The following ELMOD3 variants were observed in gnomAD, a reference collection of about 807,000 sequenced individuals.
The protein encoded by ELMOD3 is ELMO domain-containing protein 3.
In ELMOD3, 36 loss-of-function variants were observed where a neutral mutation model predicts 47.4. That is an observed-to-expected ratio of 0.76 (90% CI 0.58 to 1.00). The LOEUF is 1.00. Ranked by LOEUF, ELMOD3 falls within the 50% of genes least tolerant of loss-of-function variation. ELMOD3 has a pLI of 0.00. For synonymous variants in ELMOD3, 149 were observed against 183.5 expected, an observed-to-expected ratio of 0.81 and a Z score of 1.52; for missense variants, 404 against 463.8, an observed-to-expected ratio of 0.87 and a Z score of 1.18.
intron 11 of ELMOD3, among the ~76,000 whole-genome samples, chr2:85,377,885 G>A (rs961797383): frequency 6.6e-6 from 1 of 152,170 alleles, no homozygotes; most frequent in African/African-American, 2.4e-5. Flanking sequence ...CTTTACTGCT[G>A]TGTCCGGTTT....
chr2:85,370,731 C>G (rs1684732674), intron 8 of ELMOD3, among the ~76,000 whole-genome samples: 1 of 152,220 alleles, frequency 6.6e-6, no homozygotes, highest in South Asian at 2.1e-4. Flanking sequence ...TCCTGGGAAA[C>G]CTGTCCTGGC....
At chr2:85,375,851 A>G (rs547478611) in intron 10 of ELMOD3, among the ~76,000 whole-genome samples, 1 of 152,302 alleles carries the variant, frequency 6.6e-6, no homozygotes, top group East Asian at 1.9e-4. Flanking sequence ...CAGCTTCTAG[A>G]GGCCACCTCC....
At chr2:85,358,365 A>G (rs1474373589) in intron 4 of ELMOD3, among the ~76,000 whole-genome samples, 1 of 152,078 alleles carries the variant, frequency 6.6e-6, no homozygotes, top group Non-Finnish European at 1.5e-5. Flanking sequence ...TGCTGCATAC[A>G]AGGGTTACTG....
At chr2:85,370,141 C>A (rs1278974937) in intron 8 of ELMOD3, among the ~76,000 whole-genome samples, 1 of 152,092 alleles carries the variant, frequency 6.6e-6, no homozygotes, top group Non-Finnish European at 1.5e-5. Flanking sequence ...GCAAACTGTT[C>A]AGGGAGCTGA....
chr2:85,383,555 C>T (rs1374934761), intron 11 of ELMOD3, among the ~76,000 whole-genome samples: 1 of 152,108 alleles, frequency 6.6e-6, no homozygotes, highest in Admixed American at 6.5e-5. Context: ...AACTCCTTAC[C>T]TCAGGTGATC....
At chr2:85,364,825 A>ATATATATATATATATT (rs375582916) in intron 6 of ELMOD3, among the ~76,000 whole-genome samples, 1 of 69,890 alleles carries the variant, frequency 1.4e-5, no homozygotes, top group Admixed American at 1.9e-4. Flanking sequence ...ATATATATAT[A>ATATATATATATATATT]TTTTTTTTTT....
chr2:85,387,177 G>A lies in ELMOD3; in HGVS notation c.739-2574G>A, dbSNP rs73945724. The A allele has an allele frequency of 3.8e-3, 4,833 of 1,268,342 alleles. 135 individuals are homozygous for A. In the African/African-American group the frequency reaches 0.064, roughly 17 times the overall value. 78.6% of individuals were successfully genotyped at this position (1,268,342 alleles called of 1,614,324 possible). On this transcript the variant is annotated intron_variant, in intron 11 of 13. Transcript: ENST00000409013. ...ATAGGCAATACCTGAAGGTACAGAG[G>A]TATACATGAAGGTCAGCATCAATGG...
rs573292533 is a variant in ELMOD3, at chr2:85,379,195, T to G, written c.738+1721T>G. On this transcript the variant is annotated intron_variant, in intron 11 of 13. Transcript: ENST00000409013. ...GGAGGAAAAGAAATTTAAAACATTA[T>G]TTTGTTTTGTTTTGTTTTGTTTTTT... Among the ~76,000 whole-genome samples, 3 of 152,144 alleles carry G rather than the reference T, an allele frequency of 2.0e-5. No individual in the cohort carries two copies. The South Asian group carries it at 6.2e-4, about 32-fold the overall frequency.
chr2:85,371,452 G>C lies in ELMOD3; in HGVS notation c.497G>C (p.Ser166Thr). The change falls in exon 10 of 14, where the codon AGC (serine) becomes ACC (threonine). Residue 166 changes from serine to threonine, a missense_variant. Transcript: ENST00000409013. ...VLTIAQCGLDSQDPVHGRVLQ... is the reference protein window; with the variant it reads ...VLTIAQCGLDTQDPVHGRVLQ... ...TGTTTTGGGGCAGGTGGCCTGGATAGCCAAGACCCAGTGCATGGCCGAGTC... is the reference window on the plus strand; with the variant it reads ...TGTTTTGGGGCAGGTGGCCTGGATACCCAAGACCCAGTGCATGGCCGAGTC... 1.9e-6 allele frequency: 3 copies of C among 1,614,232 alleles called. No individual in the cohort carries two copies. The highest frequency in any genetic ancestry group is 2.5e-6 in the Non-Finnish European group (3 of 1,180,046).
At chr2:85,357,299 T>C (rs1207435657) in intron 4 of ELMOD3, 47 bp downstream of exon 4, 10 of 1,196,398 alleles carry the variant, frequency 8.4e-6, no homozygotes, top group Non-Finnish European at 1.2e-5. Context: ...GTTTGAGATA[T>C]ATCATTAAGT....
chr2:85,382,399 C>T (rs554345805), intron 11 of ELMOD3, among the ~76,000 whole-genome samples: 8 of 150,338 alleles, frequency 5.3e-5, no homozygotes, highest in Non-Finnish European at 7.4e-5. Context: ...GATTGTGCCA[C>T]TGCACTCCAG....
intron 4 of ELMOD3, among the ~76,000 whole-genome samples, chr2:85,360,322 A>G (rs1232907478): frequency 6.8e-6 from 1 of 147,184 alleles, no homozygotes; most frequent in South Asian, 2.2e-4. Flanking sequence ...TAAACCATCT[A>G]TATCCTTTTT....
At chr2:85,364,825 A>ATTTTTTTTTTT (rs869054374) in intron 6 of ELMOD3, among the ~76,000 whole-genome samples, 6 of 69,894 alleles carry the variant, frequency 8.6e-5, no homozygotes, top group African/African-American at 2.0e-4. Flanking sequence ...ATATATATAT[A>ATTTTTTTTTTT]TTTTTTTTTT....
rs753581498 is a variant in ELMOD3, at chr2:85,371,168, G to A, written c.443G>A (p.Arg148His). The change falls in exon 9 of 14, where the codon CGC becomes CAC. Residue 148 changes from arginine (R) to histidine (H), a missense_variant. Arg to His is a conservative substitution (Grantham distance 29). Transcript: ENST00000409013. ...YLFGPPKLHQ[R>H]LREERDLVLT... The stretch of plus-strand genomic sequence containing the variant: ...TTCGGGCCTCCAAAGCTCCACCAGC[G>A]CCTTCGGGAAGAAAGGGACTTGGTC... The A allele has an allele frequency of 1.2e-5, 20 of 1,614,146 alleles. No homozygotes were observed. Among genetic ancestry groups the A allele is most frequent in the Middle Eastern group, 3.3e-4 (2 of 6,084 alleles).
At chr2:85,389,986 C>T in intron 12 of ELMOD3, 152 bp from the exon 13 acceptor site, 1 of 1,080,442 alleles carries the variant, frequency 9.3e-7, no homozygotes, top group Non-Finnish European at 1.4e-6. Context: ...CTTCTCCCAC[C>T]CCTGGCCTTA....
chr2:85,387,666 CAAAAAA>C (rs33992978), intron 11 of ELMOD3, among the ~76,000 whole-genome samples: 4 of 94,116 alleles, frequency 4.3e-5, no homozygotes, highest in Non-Finnish European at 6.1e-5. Context: ...GACTCCATCT[CAAAAAA>C]AAAAAAAAAA....
At chr2:85,359,852 C>T (rs1019947322) in intron 4 of ELMOD3, among the ~76,000 whole-genome samples, 6 of 152,040 alleles carry the variant, frequency 3.9e-5, no homozygotes, top group African/African-American at 7.2e-5. Flanking sequence ...AATCCCAGCA[C>T]TTTGGGATGT....
intron 11 of ELMOD3, among the ~76,000 whole-genome samples, chr2:85,381,806 G>T (rs75589960): frequency 0.036 from 5,467 of 152,168 alleles, 220 homozygotes; most frequent in African/African-American, 0.099. Context: ...TGAAGATGAG[G>T]CTTTAATTGC....
In ELMOD3 at chr2:85,363,161, C is replaced by T. The variant is rs771673993; in HGVS notation, c.194C>T (p.Pro65Leu). 6.2e-7 allele frequency: 1 copy of T among 1,605,912 alleles called. No individual in the cohort carries two copies. Among genetic ancestry groups the T allele is most frequent in the Non-Finnish European group, 8.5e-7 (1 of 1,172,730 alleles). Residue 65 changes from proline to leucine, a missense_variant, in exon 6 of 14, where the codon CCA (proline) becomes CTA (leucine). Coordinates refer to ENST00000409013, the MANE Select transcript of ELMOD3 (RefSeq NM_001135022.2). The stretch of plus-strand genomic sequence containing the variant: ...ACCACAGAAGCTTATGAATGGGAGC[C>T]ACGTGGTAAGGTTCCCTTCAGGGCC... The part of the protein sequence containing the change: ...ALTTEAYEWE[P>L]RVVSTEVVRA...
Sources: gnomAD v4.1 joint callset for allele counts (sites outside exome capture counted in the v4.1 genomes callset) on GRCh38, gnomAD v4.1.1 for gene constraint, MANE v1.5 for transcripts, NCBI Gene and HGNC (gene_info 2026-07-23, HGNC 2026-07-21) for gene names.